Variants in DGUOK observed in about 807,000 individuals in gnomAD.
DGUOK encodes deoxyguanosine kinase, also known as deoxyguanosine kinase, mitochondrial.
Under a neutral mutation model 36.6 loss-of-function variants are expected in DGUOK, and 30 were observed. The ratio of observed to expected loss-of-function variants is 0.82; its 90% CI spans 0.61 to 1.11. DGUOK has a LOEUF of 1.11. Ranked by LOEUF, DGUOK falls within the 50% of genes most tolerant of loss-of-function variation. DGUOK has a pLI of 0.00. For synonymous variants in DGUOK, 145 were observed against 126.3 expected, an observed-to-expected ratio of 1.15 and a Z score of -0.99; for missense variants, 361 against 336.4, an observed-to-expected ratio of 1.07 and a Z score of -0.57.
At chr2:73,957,953 G>A (rs1683246066) in intron 5 of DGUOK, 193 bp from the exon 6 acceptor site, 3 of 510,338 alleles carry the variant, frequency 5.9e-6, no homozygotes, top group Non-Finnish European at 1.1e-5. Flanking sequence ...CAAGAATGAA[G>A]AGAAACCTCA....
At chr2:73,930,686 C>A (rs1377901154) in intron 1 of DGUOK, among the ~76,000 whole-genome samples, 5 of 151,570 alleles carry the variant, frequency 3.3e-5, no homozygotes, top group African/African-American at 1.2e-4. Flanking sequence ...AGTCCACTCT[C>A]ATGCTGAGCA....
intron 2 of DGUOK, among the ~76,000 whole-genome samples, chr2:73,940,669 A>G (rs139961271): frequency 2.6e-4 from 40 of 152,356 alleles, no homozygotes; most frequent in African/African-American, 9.4e-4. Context: ...TGGTGGCCCC[A>G]TAAGATTATA....
chr2:73,955,696 A>C (rs2104991092), intron 4 of DGUOK, among the ~76,000 whole-genome samples: 1 of 152,184 alleles, frequency 6.6e-6, no homozygotes, highest in East Asian at 1.9e-4. Flanking sequence ...GACATGGTGA[A>C]ACCCCATCTC....
chr2:73,948,119 T>G (rs868272065), intron 3 of DGUOK, among the ~76,000 whole-genome samples: 14 of 152,280 alleles, frequency 9.2e-5, no homozygotes, highest in South Asian at 8.3e-4. Flanking sequence ...GGCTATAGGT[T>G]TTACTTCTTT....
At chr2:73,934,150 G>C (rs1370425854) in intron 1 of DGUOK, among the ~76,000 whole-genome samples, 5 of 152,150 alleles carry the variant, frequency 3.3e-5, no homozygotes, top group Admixed American at 2.0e-4. Context: ...CTTGCTGCTA[G>C]ATTTTAGCAT....
At chr2:73,941,445 A>G (rs918140709) in intron 2 of DGUOK, among the ~76,000 whole-genome samples, 1 of 152,232 alleles carries the variant, frequency 6.6e-6, no homozygotes, top group Admixed American at 6.5e-5. Flanking sequence ...TCAGAAGTAA[A>G]ATGGACATTT....
intron 1 of DGUOK, among the ~76,000 whole-genome samples, chr2:73,938,367 TTTGTATCACCCATACAAG>T (rs1681636763): frequency 6.6e-6 from 1 of 152,242 alleles, no homozygotes; most frequent in South Asian, 2.1e-4. Context: ...TAATTGTGCG[TTTGTATCACCCATACAAG>T]CTCTGTGACG....
At chr2:73,927,086 C>A (rs755206476) in intron 1 of DGUOK, 34 bp downstream of exon 1, 2 of 1,603,572 alleles carry the variant, frequency 1.2e-6, no homozygotes, top group Non-Finnish European at 1.7e-6. Flanking sequence ...AAGCCTTGGC[C>A]TCCGCCACGC....
intron 4 of DGUOK, among the ~76,000 whole-genome samples, 155 bp downstream of exon 4, chr2:73,950,887 A>T (rs1682660281): frequency 6.6e-6 from 1 of 152,222 alleles, no homozygotes; most frequent in Non-Finnish European, 1.5e-5. Context: ...CCCAGCGTTG[A>T]GCACCCTGTT....
chr2:73,954,361 A>T lies in DGUOK; in HGVS notation c.592-2764A>T, dbSNP rs142985877. Among the ~76,000 whole-genome samples, 797 of 147,876 alleles carry T rather than the reference A, an allele frequency of 5.4e-3. 6 individuals carry two copies. Among genetic ancestry groups the T allele is most frequent in the African/African-American group, 0.019 (751 of 40,398 alleles). On this transcript the variant is annotated intron_variant, in intron 4 of 6. Coordinates refer to ENST00000264093, the MANE Select transcript of DGUOK (RefSeq NM_080916.3). ...CTGTCTCAAATAAATGAATAAATAAATTTTTTTTTTTAGAAAAGGCAACTC... is the reference window on the plus strand; with the variant it reads ...CTGTCTCAAATAAATGAATAAATAATTTTTTTTTTTTAGAAAAGGCAACTC...
rs1683283617 is a variant in DGUOK, at chr2:73,958,306, G to T, written c.807+61G>T. 2.2e-6 allele frequency: 3 copies of T among 1,387,548 alleles called. No individual in the cohort carries two copies. In the Admixed American group the frequency reaches 5.2e-5, roughly 24 times the overall value. The allele number at this position is 1,387,548 out of a possible 1,614,324, so 86.0% of individuals were successfully genotyped here. A position where few individuals can be genotyped will look rare whatever the true frequency, so the allele number is the denominator to read the frequency against. On this transcript the variant is annotated intron_variant, in intron 6 of 6. Coordinates refer to ENST00000264093, the MANE Select transcript of DGUOK (RefSeq NM_080916.3). ...TCCTTTGTTGTACTTTTATCTTTCT[G>T]GCCTTTGCTTCAAAGTTCAATATCA...
intron 1 of DGUOK, among the ~76,000 whole-genome samples, chr2:73,930,681 ACT>A: frequency 6.6e-6 from 1 of 151,434 alleles, no homozygotes; most frequent in East Asian, 1.9e-4. Context: ...CTAAGAGTCC[ACT>A]CTCATGCTGA....
In DGUOK at chr2:73,932,815, C is replaced by T. The variant is rs552867123; in HGVS notation, c.142+5763C>T. On this transcript the variant is annotated intron_variant, in intron 1 of 6. Coordinates refer to ENST00000264093, the MANE Select transcript of DGUOK (RefSeq NM_080916.3). ...AACTAATGGCATCTAGCATGACTTA[C>T]GAAGCCATATAAGATGTGTGATTGA... 64 of 356,726 alleles carry T rather than the reference C, an allele frequency of 1.8e-4. 3 individuals carry two copies. The highest frequency in any genetic ancestry group is 1.3e-3 in the South Asian group (52 of 40,676). 22.1% of individuals were successfully genotyped at this position (356,726 alleles called of 1,614,324 possible).
intron 1 of DGUOK, among the ~76,000 whole-genome samples, chr2:73,933,836 T>C (rs1488712748): frequency 2.0e-5 from 3 of 152,180 alleles, no homozygotes; most frequent in African/African-American, 7.2e-5. Context: ...GAGTAGCTAC[T>C]CCATAAACAT....
chr2:73,956,977 T>TGG, intron 4 of DGUOK, 148 bp from the exon 5 acceptor site: 3 of 534,678 alleles, frequency 5.6e-6, no homozygotes, highest in Non-Finnish European at 1.0e-5. Context: ...GATCCTCTGA[T>TGG]TGCATAAGAA....
intron 2 of DGUOK, among the ~76,000 whole-genome samples, chr2:73,943,726 T>C (rs1682080322): frequency 6.6e-6 from 1 of 151,980 alleles, no homozygotes; most frequent in Non-Finnish European, 1.5e-5. Flanking sequence ...CTCAGCTCAT[T>C]GTAACCTCCG....
chr2:73,953,912 G>A (rs181815841), intron 4 of DGUOK, among the ~76,000 whole-genome samples: 31 of 151,834 alleles, frequency 2.0e-4, no homozygotes, highest in African/African-American at 7.5e-4. Context: ...TAGTAGAGAC[G>A]GGGTTTCACC....
At position 73,958,911 on chromosome 2, in the gene DGUOK, C is replaced by CAA. The variant is rs1243635895; in HGVS notation, c.*175_*176insAA. On this transcript the variant is annotated 3_prime_UTR_variant, in exon 7 of 7. Coordinates refer to ENST00000264093, the MANE Select transcript of DGUOK (RefSeq NM_080916.3). ...GACTTTGCCATTGTTTTCTTTTGTACCTGAAGCATTTTGAAAATAAAGTTT... is the reference window on the plus strand; with the variant it reads ...GACTTTGCCATTGTTTTCTTTTGTACAACTGAAGCATTTTGAAAATAAAGTTT... The CAA allele has an allele frequency of 4.8e-6, 3 of 627,954 alleles. No homozygotes were observed. Among genetic ancestry groups the CAA allele is most frequent in the Non-Finnish European group, 5.7e-6 (2 of 347,996 alleles). The allele number at this position is 627,954 out of a possible 1,614,324, so 38.9% of individuals were successfully genotyped here.
At chr2:73,958,125 A>G (rs1442147357) in intron 5 of DGUOK, 21 bp from the exon 6 acceptor site, 2 of 1,601,412 alleles carry the variant, frequency 1.2e-6, no homozygotes, top group East Asian at 4.5e-5. Flanking sequence ...TCTGTCCCCC[A>G]AACGTTCACG....
Sources: allele counts gnomAD v4.1 joint callset (sites outside exome capture counted in the v4.1 genomes callset), GRCh38; gene constraint gnomAD v4.1.1; transcripts MANE v1.5; gene names NCBI Gene and HGNC (gene_info 2026-07-23, HGNC 2026-07-21).